The following VKORC1L1 variants were observed in gnomAD, a reference collection of about 807,000 sequenced individuals.
VKORC1L1 encodes vitamin K epoxide reductase complex subunit 1L1, also known as vitamin K epoxide reductase complex subunit 1-like protein 1.
In VKORC1L1, 2 loss-of-function variants were observed where a neutral mutation model predicts 18.9. The observed-to-expected ratio is 0.11, with a 90% confidence interval of 0.04 to 0.33. The LOEUF is 0.33. VKORC1L1 is among the 10% of genes least tolerant of loss of function. The pLI, the probability that VKORC1L1 is intolerant of heterozygous loss-of-function variation, is 1.00. For synonymous variants in VKORC1L1, 96 were observed against 100.0 expected, an observed-to-expected ratio of 0.96 and a Z score of 0.24; for missense variants, 123 against 224.1, an observed-to-expected ratio of 0.55 and a Z score of 2.88.
intron 1 of VKORC1L1, among the ~76,000 whole-genome samples, chr7:65,935,366 G>A (rs1789925943): frequency 6.6e-6 from 1 of 151,854 alleles, no homozygotes; most frequent in African/African-American, 2.4e-5. Context: ...CTGGAGTGCA[G>A]TGGCGTGATC....
intron 1 of VKORC1L1, among the ~76,000 whole-genome samples, chr7:65,914,354 G>C (rs1195061276): frequency 2.6e-5 from 4 of 152,116 alleles, no homozygotes; most frequent in South Asian, 4.1e-4. Context: ...CTCCCGCCTT[G>C]GCCTCCCAAA....
intron 1 of VKORC1L1, among the ~76,000 whole-genome samples, chr7:65,934,158 G>C (rs1271492707): frequency 6.6e-6 from 1 of 152,076 alleles, no homozygotes; most frequent in Non-Finnish European, 1.5e-5. Flanking sequence ...CACTTTGGGA[G>C]GCTGAGGTGA....
chr7:65,890,872 A>C (rs1010295010), intron 1 of VKORC1L1, among the ~76,000 whole-genome samples: 2 of 152,196 alleles, frequency 1.3e-5, no homozygotes, highest in African/African-American at 4.8e-5. Flanking sequence ...CAGCCTGAAG[A>C]GTATTTTACC....
intron 1 of VKORC1L1, among the ~76,000 whole-genome samples, chr7:65,936,270 C>T (rs1454290656): frequency 6.6e-6 from 1 of 152,060 alleles, no homozygotes; most frequent in Admixed American, 6.6e-5. Context: ...GCATCTGTGT[C>T]ATCTCAGGGT....
At position 65,957,912 on chromosome 7, in the gene VKORC1L1, G is replaced by A. The variant is rs1790326596; in HGVS notation, c.*3612G>A. The A allele has an allele frequency of 7.1e-6, 1 of 141,158 alleles. No homozygotes were observed. Among genetic ancestry groups the A allele is most frequent in the African/African-American group, 2.5e-5 (1 of 40,812 alleles). 8.7% of individuals were successfully genotyped at this position (141,158 alleles called of 1,614,324 possible). A position where few individuals can be genotyped will look rare whatever the true frequency, so the allele number is the denominator to read the frequency against. Reference sequence around the variant, plus strand: ...GGAAAAGACTATTTGCAAAAGTACAGAGTTATCTTCAGCAATTACTTCACA... The same window carrying A: ...GGAAAAGACTATTTGCAAAAGTACAAAGTTATCTTCAGCAATTACTTCACA... On this transcript the variant is annotated 3_prime_UTR_variant, in exon 3 of 3. Coordinates refer to ENST00000360768, the MANE Select transcript of VKORC1L1 (RefSeq NM_173517.6).
At chr7:65,903,414 C>T (rs144914544) in intron 1 of VKORC1L1, among the ~76,000 whole-genome samples, 2 of 152,244 alleles carry the variant, frequency 1.3e-5, no homozygotes, top group African/African-American at 4.8e-5. Context: ...ATCTGCCTGC[C>T]TCAGCCTCCC....
chr7:65,923,198 T>G (rs1789706540), intron 1 of VKORC1L1, among the ~76,000 whole-genome samples: 2 of 152,108 alleles, frequency 1.3e-5, no homozygotes, highest in African/African-American at 4.8e-5. Context: ...GCCCTGACGT[T>G]CAAGACCAGC....
At chr7:65,921,429 A>G (rs950493123) in intron 1 of VKORC1L1, among the ~76,000 whole-genome samples, 3 of 152,138 alleles carry the variant, frequency 2.0e-5, no homozygotes, top group African/African-American at 7.2e-5. Context: ...TGTGTCACCC[A>G]GGTTGGAGTG....
At chr7:65,933,453 G>GT (rs1426995935) in intron 1 of VKORC1L1, among the ~76,000 whole-genome samples, 3 of 151,148 alleles carry the variant, frequency 2.0e-5, no homozygotes, top group Non-Finnish European at 3.0e-5. Context: ...GGTACCTTTT[G>GT]TTTTTTTTCT....
chr7:65,916,861 G>A (rs775897945), intron 1 of VKORC1L1, among the ~76,000 whole-genome samples: 11 of 152,230 alleles, frequency 7.2e-5, no homozygotes, highest in East Asian at 1.9e-4. Context: ...GCCTCCCAAC[G>A]TGCTGGGATT....
chr7:65,898,355 A>G (rs1789253344), intron 1 of VKORC1L1, among the ~76,000 whole-genome samples: 1 of 151,998 alleles, frequency 6.6e-6, no homozygotes, highest in Non-Finnish European at 1.5e-5. Context: ...AAGTGTTGGG[A>G]TTACAGGTGT....
At chr7:65,903,123 C>T (rs1054219885) in intron 1 of VKORC1L1, among the ~76,000 whole-genome samples, 1 of 151,506 alleles carries the variant, frequency 6.6e-6, no homozygotes. Flanking sequence ...ACCTCGGCCT[C>T]CCAAAGTGCT....
chr7:65,957,609 G>A lies in VKORC1L1; in HGVS notation c.*3309G>A, dbSNP rs1000596208. 8 of 152,212 alleles carry A rather than the reference G, an allele frequency of 5.3e-5. No homozygotes were observed. Among genetic ancestry groups the A allele is most frequent in the African/African-American group, 1.9e-4 (8 of 41,424 alleles). The allele number at this position is 152,212 out of a possible 1,614,324, so 9.4% of individuals were successfully genotyped here. A position where few individuals can be genotyped will look rare whatever the true frequency, so the allele number is the denominator to read the frequency against. On this transcript the variant is annotated 3_prime_UTR_variant, in exon 3 of 3. Transcript: ENST00000360768. The stretch of plus-strand genomic sequence containing the variant: ...GCACTTTGGGAGGCCGAGGCGGTTG[G>A]ATCACCTGAGGTCAGAAGTTCGAGA...
chr7:65,866,019 C>T, the VKORC1L1 span, among the ~76,000 whole-genome samples: 1 of 151,914 alleles, frequency 6.6e-6, no homozygotes, highest in Admixed American at 6.6e-5. Context: ...ACTCGAGGGG[C>T]TAAGAAGGGC....
intron 1 of VKORC1L1, among the ~76,000 whole-genome samples, chr7:65,915,882 G>A (rs1338816426): frequency 5.3e-5 from 8 of 151,936 alleles, no homozygotes; most frequent in African/African-American, 1.2e-4. Flanking sequence ...TTGCTGAGGC[G>A]GGCAGATCAC....
chr7:65,915,161 G>A (rs1386633505), intron 1 of VKORC1L1, among the ~76,000 whole-genome samples: 1 of 141,974 alleles, frequency 7.0e-6, no homozygotes, highest in Non-Finnish European at 1.5e-5. Context: ...GCTCGATCTC[G>A]GCTCACTGCA....
chr7:65,929,680 G>GTATA (rs150255530), intron 1 of VKORC1L1, among the ~76,000 whole-genome samples: 21,797 of 103,050 alleles, frequency 0.21, 2,422 homozygotes, highest in East Asian at 0.46. Context: ...ATGTGTGTGT[G>GTATA]TGTATATATA....
At chr7:65,939,879 C>T (rs1790006164) in intron 1 of VKORC1L1, among the ~76,000 whole-genome samples, 1 of 152,128 alleles carries the variant, frequency 6.6e-6, no homozygotes, top group Admixed American at 6.5e-5. Context: ...AGTTTCTGTT[C>T]TCTGGAAACT....
chr7:65,906,776 T>A (rs1789413097), intron 1 of VKORC1L1, among the ~76,000 whole-genome samples: 1 of 152,148 alleles, frequency 6.6e-6, no homozygotes, highest in South Asian at 2.1e-4. Context: ...ATGGTTGACT[T>A]GACGTTTTCC....
Sources: allele counts gnomAD v4.1 joint callset (sites outside exome capture counted in the v4.1 genomes callset), GRCh38; gene constraint gnomAD v4.1.1; transcripts MANE v1.5; gene names NCBI Gene and HGNC (gene_info 2026-07-23, HGNC 2026-07-21).